The following CLDN14 variants were observed in gnomAD, a reference collection of about 807,000 sequenced individuals.
CLDN14 encodes the protein claudin-14.
In CLDN14, 2 loss-of-function variants were observed where a neutral mutation model predicts 2.1. The ratio of observed to expected loss-of-function variants is 0.96; its 90% CI spans 0.39 to 3.01. CLDN14 has a LOEUF of 3.01. Among genes scored for constraint, CLDN14 ranks in the 30% most tolerant of loss-of-function variants. The probability of loss-of-function intolerance (pLI) is 0.09; values close to 1 mark genes in which losing one functional copy is unlikely to be tolerated. For missense variants in CLDN14, 298 were observed against 328.0 expected, an observed-to-expected ratio of 0.91 and a Z score of 0.71; for synonymous variants, 136 against 154.4, an observed-to-expected ratio of 0.88 and a Z score of 0.88.
intron 1 of CLDN14, among the ~76,000 whole-genome samples, chr21:36,552,066 T>C (rs2087566904): frequency 6.6e-6 from 1 of 152,234 alleles, no homozygotes; most frequent in Non-Finnish European, 1.5e-5. Context: ...CCGAAACATT[T>C]GCAACTGATT....
intron 1 of CLDN14, among the ~76,000 whole-genome samples, chr21:36,561,947 T>C (rs2087638688): frequency 6.6e-6 from 1 of 152,258 alleles, no homozygotes; most frequent in African/African-American, 2.4e-5. Flanking sequence ...TCAAAAAGAC[T>C]TGACTTTCAA....
intron 1 of CLDN14, among the ~76,000 whole-genome samples, chr21:36,474,262 A>G (rs2086746710): frequency 6.6e-6 from 1 of 152,242 alleles, no homozygotes; most frequent in Non-Finnish European, 1.5e-5. Flanking sequence ...GCAGCCACCT[A>G]CAGCAATATG....
At chr21:36,513,735 T>C (rs1416037234) in intron 1 of CLDN14, among the ~76,000 whole-genome samples, 1 of 152,164 alleles carries the variant, frequency 6.6e-6, no homozygotes, top group Admixed American at 6.5e-5. Context: ...GGCACCTCAG[T>C]GGGTGAGAGG....
At chr21:36,549,635 C>T (rs2087549990) in intron 1 of CLDN14, among the ~76,000 whole-genome samples, 1 of 152,226 alleles carries the variant, frequency 6.6e-6, no homozygotes, top group Non-Finnish European at 1.5e-5. Context: ...AGCCAGAGAG[C>T]AGCAGCTGCT....
chr21:36,569,746 A>G lies in CLDN14; in HGVS notation c.-220+6665T>C, dbSNP rs925740401. On this transcript the variant is annotated intron_variant, in intron 1 of 2. Coordinates refer to the CLDN14 transcript ENST00000342108. ...GCCTTTGTAATAGGGAGAGAGAGCCATGGGCAGCCTCCCAACCCAAGCATC... is the reference window on the plus strand; with the variant it reads ...GCCTTTGTAATAGGGAGAGAGAGCCGTGGGCAGCCTCCCAACCCAAGCATC... Among the ~76,000 whole-genome samples the G allele has an allele frequency of 2.0e-5, 3 of 152,240 alleles. No individual in the cohort carries two copies. In the East Asian group the frequency reaches 5.8e-4, roughly 29 times the overall value.
At chr21:36,502,711 G>T (rs967332163) in intron 2 of CLDN14, among the ~76,000 whole-genome samples, 1 of 152,212 alleles carries the variant, frequency 6.6e-6, no homozygotes. Flanking sequence ...CATGGTTTCA[G>T]TGTTATCCAC....
intron 1 of CLDN14, among the ~76,000 whole-genome samples, chr21:36,536,733 T>G (rs919463832): frequency 2.6e-5 from 4 of 152,244 alleles, no homozygotes; most frequent in African/African-American, 9.6e-5. Flanking sequence ...GAAAATATTT[T>G]CTCTTTTTTT....
intron 1 of CLDN14, among the ~76,000 whole-genome samples, chr21:36,576,087 C>T (rs1477395123): frequency 6.6e-6 from 1 of 152,196 alleles, no homozygotes; most frequent in Non-Finnish European, 1.5e-5. Context: ...CCCCTCTTAA[C>T]AAAGTGAGGT....
chr21:36,489,040 G>A (rs2086929948), intron 2 of CLDN14, among the ~76,000 whole-genome samples: 1 of 149,370 alleles, frequency 6.7e-6, no homozygotes, highest in African/African-American at 2.5e-5. Context: ...AACCTGAGAG[G>A]TGGAAGTTGC....
At chr21:36,548,577 TC>T (rs1305287423) in intron 1 of CLDN14, among the ~76,000 whole-genome samples, 1 of 152,148 alleles carries the variant, frequency 6.6e-6, no homozygotes, top group Non-Finnish European at 1.5e-5. Context: ...TTCCACGGCT[TC>T]TCCAGGGTGG....
intron 2 of CLDN14, among the ~76,000 whole-genome samples, chr21:36,490,643 C>A (rs2086952231): frequency 4.0e-5 from 6 of 151,852 alleles, no homozygotes; most frequent in Admixed American, 3.9e-4. Context: ...CCTGCCTCGG[C>A]CTCCCAAAGT....
At chr21:36,466,689 A>G (rs1053691806) in intron 1 of CLDN14, among the ~76,000 whole-genome samples, 7 of 152,194 alleles carry the variant, frequency 4.6e-5, no homozygotes, top group Admixed American at 2.0e-4. Context: ...CTCAAATCTC[A>G]TGTCCTCACA....
chr21:36,481,904 C>T (rs550599357), upstream of CLDN14, among the ~76,000 whole-genome samples: 61 of 152,340 alleles, frequency 4.0e-4, no homozygotes, highest in African/African-American at 1.4e-3. Context: ...GCTAGCACTA[C>T]ACCTTCCCCT....
chr21:36,492,982 T>G (rs1050146610), intron 2 of CLDN14, among the ~76,000 whole-genome samples: 5 of 152,168 alleles, frequency 3.3e-5, no homozygotes, highest in African/African-American at 1.2e-4. Flanking sequence ...TGTGTCTTTG[T>G]GGGGAGAGAC....
chr21:36,523,164 T>C (rs1568868580), intron 1 of CLDN14, among the ~76,000 whole-genome samples: 2 of 152,174 alleles, frequency 1.3e-5, no homozygotes, highest in Non-Finnish European at 2.9e-5. Flanking sequence ...GGGCTACATT[T>C]CTCCCGATTG....
At chr21:36,469,568 C>G (rs1431673367) in intron 1 of CLDN14, among the ~76,000 whole-genome samples, 4 of 152,224 alleles carry the variant, frequency 2.6e-5, no homozygotes, top group Non-Finnish European at 4.4e-5. Context: ...TTCCTCCTGT[C>G]TCTTTTGGAT....
At chr21:36,494,913 C>G (rs1333209984) in intron 2 of CLDN14, among the ~76,000 whole-genome samples, 1 of 152,198 alleles carries the variant, frequency 6.6e-6, no homozygotes, top group Admixed American at 6.5e-5. Context: ...CCTGTGCATC[C>G]CCGTAGACAT....
intron 1 of CLDN14, among the ~76,000 whole-genome samples, chr21:36,554,726 C>T (rs2087586625): frequency 1.3e-5 from 2 of 152,082 alleles, no homozygotes; most frequent in South Asian, 4.2e-4. Context: ...TCTTACCGCC[C>T]CACCACCCGT....
At chr21:36,545,961 A>G (rs1361669002) in intron 1 of CLDN14, among the ~76,000 whole-genome samples, 1 of 152,204 alleles carries the variant, frequency 6.6e-6, no homozygotes, top group African/African-American at 2.4e-5. Context: ...CCCTCCAGCA[A>G]GAGCGAGAAC....
Sources: gnomAD v4.1 joint callset for allele counts (sites outside exome capture counted in the v4.1 genomes callset) on GRCh38, gnomAD v4.1.1 for gene constraint, MANE v1.5 for transcripts, NCBI Gene and HGNC (gene_info 2026-07-23, HGNC 2026-07-21) for gene names.